SLC25A30: variants seen among roughly 807,000 people sequenced by gnomAD.
The protein encoded by SLC25A30 is kidney mitochondrial carrier protein 1.
In SLC25A30, 29 loss-of-function variants were observed where a neutral mutation model predicts 42.7. That is an observed-to-expected ratio of 0.68 (90% CI 0.51 to 0.93). The LOEUF is 0.93. Among genes scored for constraint, SLC25A30 ranks in the 40% least tolerant of loss-of-function variants. The pLI is 0.00. For synonymous variants in SLC25A30, 124 were observed against 131.0 expected (o/e 0.95, Z 0.37); for missense variants, 300 against 359.7 (o/e 0.83, Z 1.34).
the SLC25A30 span, among the ~76,000 whole-genome samples, chr13:45,424,001 A>C: frequency 1.2e-5 from 1 of 83,890 alleles, no homozygotes; most frequent in African/African-American, 4.6e-5. Context: ...AAATATATAT[A>C]AAAATATATA....
chr13:45,396,984 C>T (rs1193432525), intron 9 of SLC25A30: 3 of 355,950 alleles, frequency 8.4e-6, no homozygotes, highest in African/African-American at 4.4e-5. Flanking sequence ...TCTCTGAAAT[C>T]GTAAATACCC....
chr13:45,400,033 T>TATATACAC (rs571184813), intron 7 of SLC25A30, among the ~76,000 whole-genome samples: 33 of 122,996 alleles, frequency 2.7e-4, no homozygotes, highest in African/African-American at 5.4e-4. Flanking sequence ...TATATATATA[T>TATATACAC]ACACACACAC....
chr13:45,402,462 A>G (rs1319129936), intron 5 of SLC25A30, 92 bp from the exon 6 acceptor site: 1 of 1,032,950 alleles, frequency 9.7e-7, no homozygotes, highest in African/African-American at 1.6e-5. Flanking sequence ...TCCGTCAGTC[A>G]GTTGCTTAAT....
the SLC25A30 span, among the ~76,000 whole-genome samples, chr13:45,426,244 G>A: frequency 2.0e-5 from 3 of 151,652 alleles, no homozygotes; most frequent in African/African-American, 7.2e-5. Flanking sequence ...GCGCCACCAC[G>A]CCCAGCTAAT....
chr13:45,406,054 T>C, intron 3 of SLC25A30, 77 bp from the exon 4 acceptor site: 1 of 1,312,464 alleles, frequency 7.6e-7, no homozygotes, highest in Non-Finnish European at 1.1e-6. Flanking sequence ...ACATGCAGAG[T>C]GCCATCCATA....
chr13:45,431,043 G>C, the SLC25A30 span, among the ~76,000 whole-genome samples: 1 of 151,608 alleles, frequency 6.6e-6, no homozygotes, highest in Admixed American at 6.6e-5. Context: ...CGCTTCTTTT[G>C]TTTTTGTTTT....
the SLC25A30 span, among the ~76,000 whole-genome samples, chr13:45,427,626 A>G: frequency 1.6e-4 from 24 of 152,164 alleles, no homozygotes; most frequent in Non-Finnish European, 3.1e-4. Flanking sequence ...ATTTTCCCCC[A>G]TGCACATTAA....
At chr13:45,404,927 AT>A (rs1325323504) in intron 4 of SLC25A30, among the ~76,000 whole-genome samples, 58 of 151,994 alleles carry the variant, frequency 3.8e-4, no homozygotes, top group Non-Finnish European at 7.4e-5. Context: ...ATGTGATTTT[AT>A]TTTTTTTCTC....
intron 2 of SLC25A30, 143 bp downstream of exon 2, chr13:45,411,219 C>A: frequency 1.4e-6 from 1 of 696,126 alleles, no homozygotes; most frequent in Non-Finnish European, 2.6e-6. Flanking sequence ...AGATTATAGG[C>A]GTGAGCCACC....
intron 1 of SLC25A30, among the ~76,000 whole-genome samples, chr13:45,417,468 T>G (rs548483994): frequency 5.9e-5 from 9 of 152,326 alleles, no homozygotes; most frequent in Admixed American, 5.9e-4. Context: ...TGCCCTTTCA[T>G]GAACTTTTCC....
Position 45,395,743 on chromosome 13 carries a change from G to C in SLC25A30, c.*231C>G. 3 of 1,408,186 alleles carry C rather than the reference G, an allele frequency of 2.1e-6. No homozygotes were observed. Among genetic ancestry groups the C allele is most frequent in the Non-Finnish European group, 2.8e-6 (3 of 1,082,054 alleles). The allele number at this position is 1,408,186 out of a possible 1,614,324, so 87.2% of individuals were successfully genotyped here. A position where few individuals can be genotyped will look rare whatever the true frequency, so the allele number is the denominator to read the frequency against. On this transcript the variant is annotated 3_prime_UTR_variant, in exon 10 of 10. Transcript: ENST00000519676. ...CACATATTATCTTTGATGTTGAAGG[G>C]CACTTCAGTGGTAAAGACTAGTGTT...
rs1432801418 is a variant in SLC25A30, at chr13:45,398,972, C to G, written c.721G>C (p.Gly241Arg). 6.2e-7 allele frequency: 1 copy of G among 1,614,096 alleles called. No individual in the cohort carries two copies. Among genetic ancestry groups the G allele is most frequent in the East Asian group, 2.2e-5 (1 of 44,884 alleles). Residue 241 changes from glycine (G) to arginine (R), a missense_variant, in exon 8 of 10, where the codon GGC becomes CGC. Coordinates refer to ENST00000519676, the MANE Select transcript of SLC25A30 (RefSeq NM_001010875.4). ...QRVLRDGRCS[G>R]YTGTLDCLLQ... The stretch of plus-strand genomic sequence containing the variant: ...AAGCAATCCAGGGTTCCTGTGTAGC[C>G]AGAACATCTGCCATCTCGAAGCACT...
Position 45,395,629 on chromosome 13 carries a change from G to T in SLC25A30, c.*345C>A. 3 of 1,176,392 alleles carry T rather than the reference G, an allele frequency of 2.6e-6. No individual in the cohort carries two copies. The highest frequency in any genetic ancestry group is 3.2e-6 in the Non-Finnish European group (3 of 938,748). The allele number at this position is 1,176,392 out of a possible 1,614,324, so 72.9% of individuals were successfully genotyped here. On this transcript the variant is annotated 3_prime_UTR_variant, in exon 10 of 10. Transcript: ENST00000519676. ...GCAGTCTGATTCTCAGTCATGAGCTGAGATGCATCAGGAGCTACTCTCCCT... is the reference window on the plus strand; with the variant it reads ...GCAGTCTGATTCTCAGTCATGAGCTTAGATGCATCAGGAGCTACTCTCCCT...
intron 7 of SLC25A30, among the ~76,000 whole-genome samples, chr13:45,400,224 C>G (rs958010492): frequency 6.6e-6 from 1 of 151,710 alleles, no homozygotes; most frequent in Non-Finnish European, 1.5e-5. Context: ...GAGTTCAAGA[C>G]CAGCCTGGGT....
At chr13:45,400,632 G>A (rs1881879737) in intron 7 of SLC25A30, among the ~76,000 whole-genome samples, 1 of 152,038 alleles carries the variant, frequency 6.6e-6, no homozygotes, top group South Asian at 2.1e-4. Context: ...ATGTTGCTGG[G>A]ACCATAGCCA....
Position 45,395,618 on chromosome 13 carries a change from AG to A in SLC25A30, c.*355del. ...GCTTTTCTAGAGCAGTCTGATTCTC[AG>A]TCATGAGCTGAGATGCATCAGGAGC... On this transcript the variant is annotated 3_prime_UTR_variant, in exon 10 of 10. Transcript: ENST00000519676. 8.7e-7 allele frequency: 1 copy of A among 1,154,134 alleles called. No homozygotes were observed. The highest frequency in any genetic ancestry group is 1.1e-6 in the Non-Finnish European group (1 of 926,234). 71.5% of individuals were successfully genotyped at this position (1,154,134 alleles called of 1,614,324 possible).
rs1252374412 is a variant in SLC25A30 at position 45,393,544 on chromosome 13, A to G, written c.*2430T>C. 5 of 985,336 alleles carry G rather than the reference A, an allele frequency of 5.1e-6. No homozygotes were observed. The highest frequency in any genetic ancestry group is 1.7e-5 in the African/African-American group (1 of 57,244). The allele number at this position is 985,336 out of a possible 1,614,324, so 61.0% of individuals were successfully genotyped here. On this transcript the variant is annotated 3_prime_UTR_variant, in exon 10 of 10. Transcript: ENST00000519676. The stretch of plus-strand genomic sequence containing the variant: ...AGCATCAATGATTACACAAATCCAT[A>G]AGCACACAAACAAAAAAACCCATTG...
At chr13:45,432,723 A>T in the SLC25A30 span, among the ~76,000 whole-genome samples, 26 of 151,668 alleles carry the variant, frequency 1.7e-4, 1 homozygote, top group South Asian at 3.1e-3. Flanking sequence ...AAAAAAAAAC[A>T]ATCAATTCAG....
intron 3 of SLC25A30, among the ~76,000 whole-genome samples, chr13:45,407,720 CCAAA>C (rs745645878): frequency 6.6e-6 from 1 of 152,156 alleles, no homozygotes; most frequent in Non-Finnish European, 1.5e-5. Context: ...TCTTCCTTCT[CCAAA>C]CAGTCATCTC....
Sources: gnomAD v4.1 joint callset for allele counts (sites outside exome capture counted in the v4.1 genomes callset) on GRCh38, gnomAD v4.1.1 for gene constraint, MANE v1.5 for transcripts, NCBI Gene and HGNC (gene_info 2026-07-23, HGNC 2026-07-21) for gene names.